Variants in ZNF182 observed in about 807,000 individuals in gnomAD.
ZNF182 encodes the protein zinc finger protein 21 (KOX 14).
In ZNF182, 10 loss-of-function variants were observed where a neutral mutation model predicts 28.1. The ratio of observed to expected loss-of-function variants is 0.36; its 90% confidence interval spans 0.22 to 0.60. The LOEUF is 0.60. Ranked by LOEUF, ZNF182 falls within the 20% of genes least tolerant of loss-of-function variation. The probability of loss-of-function intolerance (pLI) is 0.75; values close to 1 mark genes in which losing one functional copy is unlikely to be tolerated. For synonymous variants in ZNF182, 156 were observed against 158.7 expected (o/e 0.98, Z 0.13); for missense variants, 352 against 453.2 (o/e 0.78, Z 2.03).
chrX:47,976,416 G>A lies in ZNF182; in HGVS notation c.1614C>T (p.Leu538=), dbSNP rs2058884033. The change falls in exon 6 of 6, where the codon CTC becomes CTT. Residue 538 remains leucine (L), a synonymous_variant. Transcript: ENST00000376943. ...CCGTGTGCGTTCTCTGATGTATTAT[G>A]AGCTGTGACTTCTGGCTAAAAGCTT... The part of the protein sequence containing the change: ...CWKAFSQKSQ[L]IIHQRTHTGE... The A allele has an allele frequency of 4.1e-6, 5 of 1,209,855 alleles. No individual in the cohort carries two copies. In the South Asian group the frequency reaches 7.0e-5, roughly 17 times the overall value.
chrX:47,992,071 C>A (rs1369956164), intron 3 of ZNF182, among the ~76,000 whole-genome samples: 1 of 111,452 alleles, frequency 9.0e-6, no homozygotes, highest in African/African-American at 3.3e-5. Context: ...GGGATCCCCA[C>A]ACAACAAGCA....
At chrX:47,996,937 G>C (rs1414001893) in intron 3 of ZNF182, among the ~76,000 whole-genome samples, 8 of 111,690 alleles carry the variant, frequency 7.2e-5, no homozygotes, top group African/African-American at 2.6e-4. Flanking sequence ...TTCTGGAACT[G>C]TGAGAAAATT....
Position 48,001,855 on chromosome X carries a change from G to A in ZNF182, c.15+740C>T, listed in dbSNP as rs868927726. Among the ~76,000 whole-genome samples, 7 of 111,638 alleles carry A rather than the reference G, an allele frequency of 6.3e-5. No homozygotes were observed. In the South Asian group the frequency reaches 2.2e-3, roughly 36 times the overall value. On this transcript the variant is annotated intron_variant, in intron 3 of 5. Transcript: ENST00000376943. Reference sequence around the variant, plus strand: ...CTACCGCTGCCTGAGGTTACAGGTTGGGGAAGACATGACTATTAACAGAGT... The same window carrying A: ...CTACCGCTGCCTGAGGTTACAGGTTAGGGAAGACATGACTATTAACAGAGT...
At chrX:47,997,124 C>T (rs372685589) in intron 3 of ZNF182, among the ~76,000 whole-genome samples, 287 of 108,169 alleles carry the variant, frequency 2.7e-3, no homozygotes, top group African/African-American at 9.1e-3. Context: ...CTCAGGAGTT[C>T]GAGACCAGCC....
chrX:47,991,747 T>TA (rs2058942426), intron 3 of ZNF182, among the ~76,000 whole-genome samples: 1 of 110,651 alleles, frequency 9.0e-6, no homozygotes, highest in Non-Finnish European at 1.9e-5. Flanking sequence ...CCCAAGGACT[T>TA]AAACAGTGGC....
chrX:47,998,854 CAAAA>C (rs57757084), intron 3 of ZNF182, among the ~76,000 whole-genome samples: 1 of 56,876 alleles, frequency 1.8e-5, no homozygotes. Flanking sequence ...GACTCCGTCT[CAAAA>C]AAAAAAAAAA....
intron 3 of ZNF182, among the ~76,000 whole-genome samples, chrX:47,998,808 G>A (rs1024465533): frequency 8.7e-5 from 9 of 103,728 alleles, no homozygotes; most frequent in Middle Eastern, 5.1e-3. Flanking sequence ...GCAGTGAGCC[G>A]AGATCGCACC....
At position 47,976,250 on chromosome X, in the gene ZNF182, G is replaced by C; in HGVS notation, c.1780C>G (p.Leu594Val). The C allele has an allele frequency of 8.3e-7, 1 of 1,201,857 alleles. No individual in the cohort carries two copies. The highest frequency in any genetic ancestry group is 1.1e-6 in the Non-Finnish European group (1 of 891,868). ...GCATGGGTTCGCTGATGTACAATAA[G>C]GTTTGATTTTTGGGTAAAGGCTTTC... ...CGKAFTQKSN[L>V]IVHQRTHAGK... The change falls in exon 6 of 6, where the codon CTT becomes GTT. Residue 594 changes from leucine to valine, a missense_variant. By Grantham distance (32) the Leu-to-Val change is conservative. Coordinates refer to ENST00000376943, the MANE Select transcript of ZNF182 (RefSeq NM_001007088.2).
At chrX:47,990,083 T>C (rs2058936356) in intron 3 of ZNF182, among the ~76,000 whole-genome samples, 1 of 110,464 alleles carries the variant, frequency 9.1e-6, no homozygotes, top group Non-Finnish European at 1.9e-5. Context: ...ATCCAAATCA[T>C]AGCTGACAAA....
intron 3 of ZNF182, among the ~76,000 whole-genome samples, chrX:47,999,923 G>A (rs1431710442): frequency 9.0e-6 from 1 of 111,436 alleles, no homozygotes; most frequent in Non-Finnish European, 1.9e-5. Flanking sequence ...ATCATCTGAG[G>A]TCAGCAGTTC....
At chrX:47,981,899 C>A (rs1170004540) in intron 5 of ZNF182, among the ~76,000 whole-genome samples, 29 of 91,475 alleles carry the variant, frequency 3.2e-4, no homozygotes, top group Admixed American at 3.7e-4. Context: ...GACTCTGTCT[C>A]AAAAAAAAAA....
chrX:47,989,827 A>G (rs781962954), intron 3 of ZNF182, among the ~76,000 whole-genome samples: 7 of 111,952 alleles, frequency 6.3e-5, no homozygotes, highest in Admixed American at 9.5e-5. Flanking sequence ...CAAAGACTTC[A>G]GCTGTCAGGC....
chrX:47,976,986 G>A lies in ZNF182; in HGVS notation c.1044C>T (p.Thr348=). 8.3e-7 allele frequency: 1 copy of A among 1,200,976 alleles called. No homozygotes were observed. Among genetic ancestry groups the A allele is most frequent in the Non-Finnish European group, 1.1e-6 (1 of 891,762 alleles). ...QKLDLIIHHS[T]HTGKKPHECN... ...ATTCATGGGGTTTCTTTCCTGTATG[G>A]GTACTATGATGTATAATTAGATCAA... Residue 348 remains threonine (T), a synonymous_variant, in exon 6 of 6, where the codon ACC becomes ACT. Transcript: ENST00000376943.
intron 3 of ZNF182, among the ~76,000 whole-genome samples, chrX:47,996,068 A>G (rs1395748976): frequency 8.9e-6 from 1 of 112,911 alleles, no homozygotes; most frequent in Non-Finnish European, 1.9e-5. Flanking sequence ...CAATGAAGGA[A>G]GAACATCAAA....
At chrX:47,993,011 C>T (rs1403189050) in intron 3 of ZNF182, among the ~76,000 whole-genome samples, 1 of 112,796 alleles carries the variant, frequency 8.9e-6, no homozygotes, top group Non-Finnish European at 1.9e-5. Context: ...TCCCTGGTGC[C>T]CCACCAGGAT....
At chrX:47,995,115 A>C (rs1390820560) in intron 3 of ZNF182, among the ~76,000 whole-genome samples, 1 of 109,022 alleles carries the variant, frequency 9.2e-6, no homozygotes, top group African/African-American at 3.3e-5. Context: ...GCAGATCACA[A>C]GGTCAAGAGA....
chrX:47,985,484 G>A (rs1351610175), intron 3 of ZNF182, among the ~76,000 whole-genome samples: 1 of 111,579 alleles, frequency 9.0e-6, no homozygotes, highest in African/African-American at 3.3e-5. Context: ...TGTGCTGGGA[G>A]GGTGACATGA....
chrX:47,995,630 A>T (rs1251361525), intron 3 of ZNF182, among the ~76,000 whole-genome samples: 1 of 112,032 alleles, frequency 8.9e-6, no homozygotes, highest in Non-Finnish European at 1.9e-5. Flanking sequence ...TAATTCCTGA[A>T]CACTTCCCCA....
At chrX:47,999,161 C>T (rs782379648) in intron 3 of ZNF182, among the ~76,000 whole-genome samples, 28 of 111,176 alleles carry the variant, frequency 2.5e-4, no homozygotes, top group Non-Finnish European at 3.6e-4. Context: ...AGGCAGATCA[C>T]CTGAGGTCAG....
Sources: gnomAD v4.1 joint callset for allele counts (sites outside exome capture counted in the v4.1 genomes callset) on GRCh38, gnomAD v4.1.1 for gene constraint, MANE v1.5 for transcripts, NCBI Gene and HGNC (gene_info 2026-07-23, HGNC 2026-07-21) for gene names.